The following KMT2A variants were observed in gnomAD, a reference collection of about 807,000 sequenced individuals.
KMT2A encodes the protein histone-lysine N-methyltransferase 2A.
In KMT2A, 16 loss-of-function variants were observed where a neutral mutation model predicts 345.3. The observed-to-expected ratio is 0.05, with a 90% CI of 0.03 to 0.07. The LOEUF (loss-of-function observed/expected upper bound fraction) is 0.07, where lower values mean the gene tolerates loss of function less well. KMT2A is among the 10% of genes least tolerant of loss of function. KMT2A has a pLI of 1.00. For missense variants in KMT2A, 3,272 were observed against 4,841.6 expected (o/e 0.68, Z 9.62); for synonymous variants, 1,599 against 1,778.6 (o/e 0.90, Z 2.54).
At chr11:118,511,633 C>T (rs1345327288) in intron 30 of KMT2A, among the ~76,000 whole-genome samples, 1 of 152,170 alleles carries the variant, frequency 6.6e-6, no homozygotes, top group Non-Finnish European at 1.5e-5. Flanking sequence ...AAATACCAAA[C>T]ATTCAGGTGT....
intron 5 of KMT2A, 81 bp downstream of exon 5, chr11:118,478,282 C>T: frequency 9.8e-7 from 1 of 1,020,388 alleles, no homozygotes; most frequent in South Asian, 1.5e-5. Flanking sequence ...TGCAGAGATA[C>T]ATCAGGAAAC....
rs1950976131 is a variant in KMT2A, at chr11:118,521,796, T to C, written c.11644-101T>C. 2.4e-6 allele frequency: 3 copies of C among 1,270,696 alleles called. No individual in the cohort carries two copies. The East Asian group carries it at 7.2e-5, about 31-fold the overall frequency. 78.7% of individuals were successfully genotyped at this position (1,270,696 alleles called of 1,614,324 possible). A position where few individuals can be genotyped will look rare whatever the true frequency, so the allele number is the denominator to read the frequency against. Reference sequence around the variant, plus strand: ...CTGGAAATTTTACTAGAAGAAACTTTCTCAGCCGCTATAGGTAACATCAAG... The same window carrying C: ...CTGGAAATTTTACTAGAAGAAACTTCCTCAGCCGCTATAGGTAACATCAAG... On this transcript the variant is annotated intron_variant, in intron 35 of 35. Coordinates refer to ENST00000534358, the MANE Select transcript of KMT2A (RefSeq NM_001197104.2). This position sits in a 1 kb window ranked among gnomAD's most constrained non-coding sequence, Gnocchi z 5.3.
In KMT2A at chr11:118,496,112, C is replaced by T. The variant is rs1482542936; in HGVS notation, c.5558-149C>T. 9.9e-6 allele frequency: 7 copies of T among 707,646 alleles called. No homozygotes were observed. Among genetic ancestry groups the T allele is most frequent in the African/African-American group, 7.1e-5 (4 of 55,980 alleles). 43.8% of individuals were successfully genotyped at this position (707,646 alleles called of 1,614,324 possible). ...TATTGTAACATAGATGATGAGGTAG[C>T]GTAACTCTGAACACTTTTTGAAAAG... On this transcript the variant is annotated intron_variant, in intron 19 of 35. Transcript: ENST00000534358. This position sits in a 1 kb window ranked among gnomAD's most constrained non-coding sequence, Gnocchi z 4.7.
chr11:118,503,538 C>A lies in KMT2A; in HGVS notation c.7646C>A (p.Ser2549Tyr). The change falls in exon 27 of 36, where the codon TCC (serine) becomes TAC (tyrosine). Residue 2549 changes from serine (S) to tyrosine (Y), a missense_variant. Physicochemically the swap from Ser to Tyr is moderately radical, Grantham distance 144. This residue lies in a region of KMT2A where 445 missense variants were observed against 500.9 expected (regional missense o/e 0.89). Coordinates refer to ENST00000534358, the MANE Select transcript of KMT2A (RefSeq NM_001197104.2). The surrounding 1 kb of genome is among the most constrained non-coding windows in gnomAD (Gnocchi z 5.3). ...GCCCTGAAAGAAAGTAGTCCTGCTT[C>A]CCCTTTGCAAATAGAGTCAACATCT... Reference protein sequence around the residue: ...KNALKESSPASPLQIESTSPT... With the variant: ...KNALKESSPAYPLQIESTSPT... The A allele has an allele frequency of 6.2e-7, 1 of 1,614,154 alleles. No individual in the cohort carries two copies. The highest frequency in any genetic ancestry group is 8.5e-7 in the Non-Finnish European group (1 of 1,179,994).
intron 25 of KMT2A, 71 bp from the exon 26 acceptor site, chr11:118,501,600 CT>C: frequency 7.5e-7 from 1 of 1,334,508 alleles, no homozygotes; most frequent in Non-Finnish European, 1.0e-6. Context: ...TGATAGCTGA[CT>C]TTTTATTGGT....
intron 1 of KMT2A, chr11:118,458,192 TC>T: frequency 5.4e-6 from 2 of 369,038 alleles, no homozygotes; most frequent in Non-Finnish European, 1.1e-5. Context: ...TAAGTGATTC[TC>T]CCACCTCAAC....
rs7123835 is a variant in KMT2A at position 118,498,107 on chromosome 11, T to G, written c.5802+34T>G. 91,649 of 1,584,532 alleles carry G rather than the reference T, an allele frequency of 0.058. 2,971 individuals are homozygous for G. Among genetic ancestry groups the G allele is most frequent in the South Asian group, 0.076 (6,785 of 89,754 alleles). ...TTATGGGTAAATTTTATGAAAGAGA[T>G]TCCCTCTCAGTTTCCAGATATTCTT... On this transcript the variant is annotated intron_variant, in intron 21 of 35. Transcript: ENST00000534358. The surrounding 1 kb of genome is among the most constrained non-coding windows in gnomAD (Gnocchi z 4.4).
At chr11:118,466,291 C>T (rs1214473843) in intron 1 of KMT2A, among the ~76,000 whole-genome samples, 1 of 152,142 alleles carries the variant, frequency 6.6e-6, no homozygotes, top group Non-Finnish European at 1.5e-5. Context: ...GATCACACCA[C>T]TGCAGTACAG....
In KMT2A at chr11:118,506,207, G is replaced by A. The variant is rs782115031; in HGVS notation, c.10315G>A (p.Gly3439Ser). 1.1e-5 allele frequency: 17 copies of A among 1,613,902 alleles called. No homozygotes were observed. Among genetic ancestry groups the A allele is most frequent in the Admixed American group, 1.7e-5 (1 of 59,988 alleles). ...ICVLPSTQTTGITAASPSGEA... is the reference protein window; with the variant it reads ...ICVLPSTQTTSITAASPSGEA... ...TGTGCTCCCCTCCACTCAGACTACG[G>A]GCATAACAGCCGCTTCACCTTCTGG... Residue 3439 changes from glycine (G) to serine (S), a missense_variant, in exon 27 of 36, where the codon GGC (glycine) becomes AGC (serine). Coordinates refer to ENST00000534358, the MANE Select transcript of KMT2A (RefSeq NM_001197104.2).
Position 118,525,066 on chromosome 11 carries a change from G to T in KMT2A, c.*2894G>T, listed in dbSNP as rs1555055092. On this transcript the variant is annotated 3_prime_UTR_variant, in exon 36 of 36. Coordinates refer to ENST00000534358, the MANE Select transcript of KMT2A (RefSeq NM_001197104.2). ...CAGCACACCTGCCAGCAACTTGGGG[G>T]AATAAGCGAAGGTTTCCCTACAAGA... 1 of 216,028 alleles carries T rather than the reference G, an allele frequency of 4.6e-6. No homozygotes were observed. The highest frequency in any genetic ancestry group is 2.3e-5 in the African/African-American group (1 of 44,340). 13.4% of individuals were successfully genotyped at this position (216,028 alleles called of 1,614,324 possible).
At position 118,526,583 on chromosome 11, in the gene KMT2A, AG is replaced by A. The variant is rs1951087351; in HGVS notation, c.*4412del. 4.3e-6 allele frequency: 1 copy of A among 230,566 alleles called. No individual in the cohort carries two copies. The highest frequency in any genetic ancestry group is 5.6e-5 in the Admixed American group (1 of 17,710). 14.3% of individuals were successfully genotyped at this position (230,566 alleles called of 1,614,324 possible). On this transcript the variant is annotated 3_prime_UTR_variant, in exon 36 of 36. Coordinates refer to ENST00000534358, the MANE Select transcript of KMT2A (RefSeq NM_001197104.2). ...CTTCCAAGCTTCTGGTTAGAGAAAA[AG>A]AGAAAAAAAAAAAAGGAAAATGTGT...
chr11:118,492,290 A>C (rs751640163), intron 15 of KMT2A, among the ~76,000 whole-genome samples: 71 of 152,230 alleles, frequency 4.7e-4, no homozygotes, highest in Non-Finnish European at 9.4e-4. Flanking sequence ...TAGAGGCAGG[A>C]TTCGTAGTTA....
intron 1 of KMT2A, among the ~76,000 whole-genome samples, chr11:118,442,419 G>C (rs1289956893): frequency 2.6e-5 from 4 of 152,218 alleles, no homozygotes; most frequent in African/African-American, 2.4e-5. Flanking sequence ...TAGTAGGAAA[G>C]AGGATGCCAC....
At chr11:118,451,656 AT>A (rs34888107) in intron 1 of KMT2A, among the ~76,000 whole-genome samples, 19,974 of 137,898 alleles carry the variant, frequency 0.14, 1,719 homozygotes, top group East Asian at 0.48. Context: ...CCCAAAGTGA[AT>A]TTTTTTTTTT....
At chr11:118,518,427 ACATT>A (rs1169147134) in intron 31 of KMT2A, among the ~76,000 whole-genome samples, 3 of 152,250 alleles carry the variant, frequency 2.0e-5, no homozygotes, top group African/African-American at 7.2e-5. Flanking sequence ...ATTACTCCAC[ACATT>A]CATCATAACA....
At position 118,506,361 on chromosome 11, in the gene KMT2A, T is replaced by C. The variant is rs1243918687; in HGVS notation, c.10469T>C (p.Val3490Ala). 9 of 1,614,022 alleles carry C rather than the reference T, an allele frequency of 5.6e-6. No homozygotes were observed. Among genetic ancestry groups the C allele is most frequent in the Non-Finnish European group, 6.8e-6 (8 of 1,180,020 alleles). The change falls in exon 27 of 36, where the codon GTA becomes GCA. Residue 3490 changes from valine to alanine, a missense_variant. Val to Ala is a moderately conservative substitution (Grantham distance 64). This residue lies in a region of KMT2A where 748 missense variants were observed against 922.2 expected (regional missense o/e 0.81). Coordinates refer to ENST00000534358, the MANE Select transcript of KMT2A (RefSeq NM_001197104.2). ...GPQVSNFTQT[V>A]DAPNSMGLEQ... ...CAGGTATCCAACTTTACCCAGACGG[T>C]AGACGCTCCTAATAGCATGGGACTG...
intron 31 of KMT2A, among the ~76,000 whole-genome samples, chr11:118,513,937 CAAAAAAAAAAA>C (rs1178939991): frequency 6.3e-5 from 3 of 47,370 alleles, no homozygotes; most frequent in East Asian, 1.2e-3. Context: ...GACCCTGTCT[CAAAAAAAAAAA>C]AAAAAAAAAA....
rs1950446539 is a variant in KMT2A at position 118,498,521 on chromosome 11, A to G, written c.5954A>G (p.Lys1985Arg). ...VYCQRHRDLI[K>R]GEVVPENGFE... ...TGCCAACGACATCGGGATTTGATCA[A>G]AGGCGAAGTGAGAGAGCTTTAGTTG... The change falls in exon 22 of 36, where the codon AAA becomes AGA. Residue 1985 changes from lysine to arginine, a missense_variant. By Grantham distance (26) the Lys-to-Arg change is conservative. This residue lies in a region of KMT2A where 235 missense variants were observed against 503.4 expected (regional missense o/e 0.47). Coordinates refer to ENST00000534358, the MANE Select transcript of KMT2A (RefSeq NM_001197104.2). The surrounding 1 kb of genome is among the most constrained non-coding windows in gnomAD (Gnocchi z 4.4). 3 of 1,607,676 alleles carry G rather than the reference A, an allele frequency of 1.9e-6. No homozygotes were observed. The highest frequency in any genetic ancestry group is 1.3e-5 in the African/African-American group (1 of 74,368).
intron 1 of KMT2A, 95 bp downstream of exon 1, chr11:118,437,039 G>A: frequency 7.6e-7 from 1 of 1,312,694 alleles, no homozygotes; most frequent in African/African-American, 1.5e-5. Context: ...CCCAATTCTG[G>A]GACCATCTCG....
Sources: gnomAD v4.1 joint callset for allele counts (sites outside exome capture counted in the v4.1 genomes callset) on GRCh38, gnomAD v4.1.1 for gene constraint, gnomAD v4.1.1 regional missense constraint, Gnocchi (gnomAD v3.1) non-coding constraint, MANE v1.5 for transcripts, NCBI Gene and HGNC (gene_info 2026-07-23, HGNC 2026-07-21) for gene names.